ZFAND4: variants seen among roughly 807,000 people sequenced by gnomAD.
ZFAND4 encodes the protein zinc finger AN1-type containing 4.
Under a neutral mutation model 64.4 loss-of-function variants are expected in ZFAND4, and 43 were observed. The observed-to-expected ratio is 0.67, with a 90% confidence interval of 0.52 to 0.86. ZFAND4 has a LOEUF of 0.86. Ranked by LOEUF, ZFAND4 falls within the 40% of genes least tolerant of loss-of-function variation. The probability of loss-of-function intolerance (pLI) is 0.00; values close to 1 mark genes in which losing one functional copy is unlikely to be tolerated. For synonymous variants in ZFAND4, 296 were observed against 305.7 expected (o/e 0.97, Z 0.33); for missense variants, 929 against 859.8 (o/e 1.08, Z -1.01).
At position 45,616,226 on chromosome 10, in the gene ZFAND4, A is replaced by G. The variant is rs976918664; in HGVS notation, c.*210T>C. On this transcript the variant is annotated 3_prime_UTR_variant, in exon 10 of 10. Coordinates refer to ENST00000344646, the MANE Select transcript of ZFAND4 (RefSeq NM_174890.4). Reference sequence around the variant, plus strand: ...TAACAAAGCTAAATCATTCCAGTGTAAAGTTGTTAAAACTACTTTTAAAAC... The same window carrying G: ...TAACAAAGCTAAATCATTCCAGTGTGAAGTTGTTAAAACTACTTTTAAAAC... 5.2e-6 allele frequency: 3 copies of G among 579,204 alleles called. No homozygotes were observed. Among genetic ancestry groups the G allele is most frequent in the South Asian group, 2.6e-5 (1 of 38,112 alleles). The allele number at this position is 579,204 out of a possible 1,614,324, so 35.9% of individuals were successfully genotyped here. A position where few individuals can be genotyped will look rare whatever the true frequency, so the allele number is the denominator to read the frequency against.
At chr10:45,671,812 C>T (rs933235942) in intron 1 of ZFAND4, among the ~76,000 whole-genome samples, 1 of 149,890 alleles carries the variant, frequency 6.7e-6, no homozygotes, top group Non-Finnish European at 1.5e-5. Context: ...GCACATGTAC[C>T]CTAGAACTTA....
intron 5 of ZFAND4, 111 bp downstream of exon 5, chr10:45,648,183 A>C: frequency 9.2e-7 from 1 of 1,090,042 alleles, no homozygotes. Context: ...TATACGAAGG[A>C]CAATTTCAGA....
At chr10:45,671,323 T>C (rs1180425929) in intron 1 of ZFAND4, among the ~76,000 whole-genome samples, 2 of 152,208 alleles carry the variant, frequency 1.3e-5, no homozygotes, top group African/African-American at 2.4e-5. Flanking sequence ...AGCGATCCCA[T>C]TACTGGGTAT....
In ZFAND4 at chr10:45,626,159, T is replaced by C. The variant is rs201941811; in HGVS notation, c.1664A>G (p.Lys555Arg). ...ACAACCAACAGGCTCTTTGGAAGCC[T>C]TGTTAGTCATTTCTGTGATATCCCG... ...EARDITEMTNKASKEPVGCVN... is the reference protein window; with the variant it reads ...EARDITEMTNRASKEPVGCVN... Residue 555 changes from lysine (K) to arginine (R), a missense_variant, in exon 7 of 10, where the codon AAG becomes AGG. Transcript: ENST00000344646. 2.2e-4 allele frequency: 359 copies of C among 1,614,068 alleles called. No individual in the cohort carries two copies. The highest frequency in any genetic ancestry group is 2.9e-4 in the Non-Finnish European group (348 of 1,180,052).
intron 2 of ZFAND4, among the ~76,000 whole-genome samples, chr10:45,656,284 G>A (rs2048097048): frequency 6.6e-6 from 1 of 150,688 alleles, no homozygotes; most frequent in Non-Finnish European, 1.5e-5. Flanking sequence ...CAATCCTACT[G>A]AAACTATTCC....
intron 1 of ZFAND4, among the ~76,000 whole-genome samples, chr10:45,667,939 C>A (rs1174455633): frequency 6.6e-6 from 1 of 152,172 alleles, no homozygotes; most frequent in Non-Finnish European, 1.5e-5. Context: ...ATAAGGTTGA[C>A]GAGCTTCCCT....
chr10:45,656,234 GA>G (rs1240318228), intron 2 of ZFAND4, among the ~76,000 whole-genome samples: 13 of 90,320 alleles, frequency 1.4e-4, no homozygotes, highest in African/African-American at 5.4e-4. Context: ...TTTCTAAAAA[GA>G]AAAGAGAAGA....
chr10:45,633,993 T>C (rs1287607998), intron 6 of ZFAND4, among the ~76,000 whole-genome samples: 1 of 152,146 alleles, frequency 6.6e-6, no homozygotes, highest in East Asian at 1.9e-4. Flanking sequence ...TATTAAGACC[T>C]GGGAAATATG....
chr10:45,649,235 T>A (rs1339052907), intron 4 of ZFAND4, among the ~76,000 whole-genome samples: 1 of 152,128 alleles, frequency 6.6e-6, no homozygotes, highest in Non-Finnish European at 1.5e-5. Context: ...AGACCTATCT[T>A]TTTCTTTCTG....
rs1257630934 is a variant in ZFAND4, at chr10:45,655,923, C to T, written c.185-2864G>A. Reference sequence around the variant, plus strand: ...GGCCAGATGGATTCACAGACAAATTCTACCAGACATTCAATGAATTGGTAC... The same window carrying T: ...GGCCAGATGGATTCACAGACAAATTTTACCAGACATTCAATGAATTGGTAC... On this transcript the variant is annotated intron_variant, in intron 2 of 9. Coordinates refer to ENST00000344646, the MANE Select transcript of ZFAND4 (RefSeq NM_174890.4). 2.6e-5 allele frequency among the ~76,000 whole-genome samples: 4 copies of T among 152,300 alleles called. No homozygotes were observed. The East Asian group carries it at 7.7e-4, about 29-fold the overall frequency.
intron 2 of ZFAND4, among the ~76,000 whole-genome samples, chr10:45,657,076 C>T (rs2048176212): frequency 6.7e-6 from 1 of 149,616 alleles, no homozygotes; most frequent in African/African-American, 2.5e-5. Flanking sequence ...TGCAATGGTG[C>T]AATTTTAGCT....
In ZFAND4 at chr10:45,665,656, C is replaced by T. The variant is rs574699081; in HGVS notation, c.-117-1814G>A. Among the ~76,000 whole-genome samples, 509 of 151,006 alleles carry T rather than the reference C, an allele frequency of 3.4e-3. 2 individuals carry two copies. The highest frequency in any genetic ancestry group is 0.012 in the African/African-American group (487 of 40,360). ...GTACACAGAGTTGTGCAACAATCACCACATTTGCTTTAGAAAATTTTCATT... is the reference window on the plus strand; with the variant it reads ...GTACACAGAGTTGTGCAACAATCACTACATTTGCTTTAGAAAATTTTCATT... On this transcript the variant is annotated intron_variant, in intron 1 of 9. Coordinates refer to ENST00000344646, the MANE Select transcript of ZFAND4 (RefSeq NM_174890.4).
At chr10:45,659,509 C>T (rs961591221) in intron 2 of ZFAND4, among the ~76,000 whole-genome samples, 8 of 152,166 alleles carry the variant, frequency 5.3e-5, no homozygotes, top group African/African-American at 1.9e-4. Context: ...GATAAAACCT[C>T]ACTCTAATGT....
chr10:45,624,665 G>T (rs756441589), intron 7 of ZFAND4, 28 bp from the exon 8 acceptor site: 36 of 1,583,148 alleles, frequency 2.3e-5, no homozygotes, highest in South Asian at 2.2e-5. Context: ...AACATCTATA[G>T]AGGTGAGTCA....
chr10:45,638,487 AAAAAAAACAAAAAAC>A (rs1007189741), intron 6 of ZFAND4, among the ~76,000 whole-genome samples: 4 of 151,614 alleles, frequency 2.6e-5, no homozygotes, highest in Non-Finnish European at 5.9e-5. Flanking sequence ...CTCAAAAAAG[AAAAAAAACAAAAAAC>A]AAAAAAACAA....
Position 45,652,984 on chromosome 10 carries a change from T to C in ZFAND4, c.260A>G (p.Asn87Ser). Residue 87 changes from asparagine (N) to serine (S), a missense_variant and splice_region_variant, in exon 3 of 10, where the codon AAC (asparagine) becomes AGC (serine). By Grantham distance (46) the Asn-to-Ser change is conservative. Transcript: ENST00000344646. ...ACAGCCAATATGCAATTACACTCAC[T>C]TGTAATCATTCAAGCAATAATCATT... is the stretch of plus-strand genomic sequence containing the variant. Reference protein sequence around the residue: ...LENDYCLNDYNISEGCTLKLV... With the variant: ...LENDYCLNDYSISEGCTLKLV... 4 of 1,608,402 alleles carry C rather than the reference T, an allele frequency of 2.5e-6. No homozygotes were observed. The highest frequency in any genetic ancestry group is 2.6e-6 in the Non-Finnish European group (3 of 1,175,912).
chr10:45,624,673 T>G, intron 7 of ZFAND4, 36 bp from the exon 8 acceptor site: 1 of 1,543,508 alleles, frequency 6.5e-7, no homozygotes, highest in African/African-American at 1.4e-5. Flanking sequence ...TAGAGGTGAG[T>G]CAATGAAGAA....
intron 6 of ZFAND4, 120 bp downstream of exon 6, chr10:45,639,696 G>T: frequency 1.6e-6 from 2 of 1,269,648 alleles, no homozygotes; most frequent in Non-Finnish European, 1.0e-6. Flanking sequence ...AATAACTGAG[G>T]CCAGAAACCT....
At chr10:45,618,086 C>T (rs752545562) in intron 9 of ZFAND4, 54 bp downstream of exon 9, 50 of 1,564,150 alleles carry the variant, frequency 3.2e-5, no homozygotes, top group Non-Finnish European at 4.0e-5. Context: ...GCATAATCCC[C>T]AAGCTGGGTT....
Sources: gnomAD v4.1 joint callset for allele counts (sites outside exome capture counted in the v4.1 genomes callset) on GRCh38, gnomAD v4.1.1 for gene constraint, MANE v1.5 for transcripts, NCBI Gene and HGNC (gene_info 2026-07-23, HGNC 2026-07-21) for gene names.